ATL3: variants seen among roughly 807,000 people sequenced by gnomAD.
The protein encoded by ATL3 is atlastin GTPase 3.
Under a neutral mutation model 69.5 loss-of-function variants are expected in ATL3, and 49 were observed. The ratio of observed to expected loss-of-function variants is 0.71; its 90% CI spans 0.56 to 0.89. The LOEUF is 0.89. ATL3 is among the 40% of genes least tolerant of loss of function. The pLI is 0.00. For synonymous variants in ATL3, 214 were observed against 224.1 expected (o/e 0.95, Z 0.40); for missense variants, 606 against 645.7 (o/e 0.94, Z 0.67).
At chr11:63,632,789 A>G in intron 11 of ATL3, 1 of 794,676 alleles carries the variant, frequency 1.3e-6, no homozygotes, top group South Asian at 1.6e-5. Context: ...TCCCATTGAA[A>G]CTATGTACTT....
Position 63,656,437 on chromosome 11 carries a change from G to T in ATL3, c.405+2324C>A, listed in dbSNP as rs533378172. Among the ~76,000 whole-genome samples the T allele has an allele frequency of 2.0e-5, 3 of 151,968 alleles. No homozygotes were observed. In the South Asian group the frequency reaches 6.2e-4, roughly 32 times the overall value. ...AAGAATAACAGTGTATTTCTTGTCA[G>T]AAACAATGTCAGCAGACTGGGCACA... On this transcript the variant is annotated intron_variant, in intron 3 of 12. Coordinates refer to ENST00000398868, the MANE Select transcript of ATL3 (RefSeq NM_015459.5).
chr11:63,652,475 A>C lies in ATL3; in HGVS notation c.506T>G (p.Val169Gly), dbSNP rs990752530. 2 of 1,571,060 alleles carry C rather than the reference A, an allele frequency of 1.3e-6. No individual in the cohort carries two copies. Among genetic ancestry groups the C allele is most frequent in the African/African-American group, 2.7e-5 (2 of 73,798 alleles). Residue 169 changes from valine to glycine, a missense_variant, in exon 4 of 13, where the codon GTT (valine) becomes GGT (glycine). Transcript: ENST00000398868. ...TCTGAGTCAAGTGGTTTTTACCTGA[A>C]CAGAACTAGTCATAGTGCTTAGAGC... The part of the protein sequence containing the change: ...IFALSTMTSS[V>G]QIYNLSQNIQ...
rs979077596 is a variant in ATL3 at position 63,624,255 on chromosome 11, A to G, written c.*5064T>C. 4.6e-5 allele frequency: 7 copies of G among 152,354 alleles called. No individual in the cohort carries two copies. Among genetic ancestry groups the G allele is most frequent in the Middle Eastern group, 3.4e-3 (1 of 294 alleles). 9.4% of individuals were successfully genotyped at this position (152,354 alleles called of 1,614,324 possible). On this transcript the variant is annotated 3_prime_UTR_variant, in exon 13 of 13. Coordinates refer to ENST00000398868, the MANE Select transcript of ATL3 (RefSeq NM_015459.5). The stretch of plus-strand genomic sequence containing the variant: ...GTCTAGCAGACAGTACTTTTAACAA[A>G]TCATTTTTTAAAATAAAAAAACCTG...
chr11:63,671,755 C>A, upstream of ATL3: 1 of 1,200,892 alleles, frequency 8.3e-7, no homozygotes, highest in Non-Finnish European at 1.1e-6. Context: ...CGTGGTTCTC[C>A]GACGACTGAA....
In ATL3 at chr11:63,628,287, T is replaced by C. The variant is rs1939184797; in HGVS notation, c.*1032A>G. ...CCACTCTGGCTTTTCAAGGCACGTT[T>C]GCCTCTTTTTCTAGAAAGAAGCTAT... On this transcript the variant is annotated 3_prime_UTR_variant, in exon 13 of 13. Coordinates refer to ENST00000398868, the MANE Select transcript of ATL3 (RefSeq NM_015459.5). 6.6e-6 allele frequency: 1 copy of C among 151,590 alleles called. No homozygotes were observed. The highest frequency in any genetic ancestry group is 6.6e-5 in the Admixed American group (1 of 15,206). The allele number at this position is 151,590 out of a possible 1,614,324, so 9.4% of individuals were successfully genotyped here. A position where few individuals can be genotyped will look rare whatever the true frequency, so the allele number is the denominator to read the frequency against.
chr11:63,656,141 G>A (rs188107727), intron 3 of ATL3, among the ~76,000 whole-genome samples: 1,952 of 151,116 alleles, frequency 0.013, 14 homozygotes, highest in Non-Finnish European at 0.02. Context: ...GGAGAATGGC[G>A]TGAACCCGGG....
chr11:63,662,212 C>CAAA (rs1228390912), intron 1 of ATL3, among the ~76,000 whole-genome samples: 46 of 84,748 alleles, frequency 5.4e-4, no homozygotes, highest in African/African-American at 1.7e-3. Context: ...GACTCTATCT[C>CAAA]AAAAAAAAAA....
At chr11:63,663,076 C>T (rs1005379395) in intron 1 of ATL3, among the ~76,000 whole-genome samples, 3 of 152,010 alleles carry the variant, frequency 2.0e-5, no homozygotes, top group Non-Finnish European at 2.9e-5. Flanking sequence ...TTGCTGCTCA[C>T]TTTTTACATT....
chr11:63,629,455 C>G (rs761650452), intron 12 of ATL3, 50 bp from the exon 13 acceptor site: 15 of 1,510,272 alleles, frequency 9.9e-6, no homozygotes, highest in Middle Eastern at 1.7e-4. Flanking sequence ...TACAACACAG[C>G]AACAAGAAAG....
chr11:63,657,242 G>T (rs1298580904), intron 3 of ATL3, among the ~76,000 whole-genome samples: 1 of 149,234 alleles, frequency 6.7e-6, no homozygotes, highest in Non-Finnish European at 1.5e-5. Flanking sequence ...AAACAGGTGT[G>T]AAGGCATGCT....
At chr11:63,638,403 C>T (rs940887782) in intron 8 of ATL3, among the ~76,000 whole-genome samples, 3 of 152,140 alleles carry the variant, frequency 2.0e-5, no homozygotes, top group South Asian at 2.1e-4. Context: ...GAAAAGTATT[C>T]TCAAAAAGCA....
intron 10 of ATL3, among the ~76,000 whole-genome samples, chr11:63,635,016 G>T (rs375044462): frequency 1.3e-5 from 2 of 152,004 alleles, no homozygotes; most frequent in African/African-American, 4.8e-5. Flanking sequence ...ACAAAAATTA[G>T]CCAGGCATGG....
At chr11:63,651,875 G>A in intron 5 of ATL3, 61 bp downstream of exon 5, 1 of 1,537,804 alleles carries the variant, frequency 6.5e-7, no homozygotes, top group Non-Finnish European at 8.7e-7. Context: ...GTTGTAAAAT[G>A]TTCCTTAATC....
chr11:63,629,164 G>T lies in ATL3; in HGVS notation c.*155C>A, dbSNP rs1939219393. ...GTGTGTTTAATAATTTGAAACCACA[G>T]GAGAGGTCTGCTCATTTATTACAGG... On this transcript the variant is annotated 3_prime_UTR_variant, in exon 13 of 13. Coordinates refer to ENST00000398868, the MANE Select transcript of ATL3 (RefSeq NM_015459.5). 2 of 622,036 alleles carry T rather than the reference G, an allele frequency of 3.2e-6. No individual in the cohort carries two copies. The highest frequency in any genetic ancestry group is 2.9e-5 in the Admixed American group (1 of 34,676). The allele number at this position is 622,036 out of a possible 1,614,324, so 38.5% of individuals were successfully genotyped here.
intron 12 of ATL3, 56 bp downstream of exon 12, chr11:63,630,984 G>A (rs192770663): frequency 1.3e-6 from 2 of 1,502,482 alleles, no homozygotes; most frequent in Admixed American, 4.3e-5. Context: ...TTTTACAACA[G>A]AAGCACAAAT....
intron 11 of ATL3, 113 bp from the exon 12 acceptor site, chr11:63,631,584 T>A: frequency 1.0e-6 from 1 of 966,274 alleles, no homozygotes. Context: ...AACAATGTAT[T>A]AATAAGTTAA....
chr11:63,630,895 ACAGTCTAT>A, intron 12 of ATL3, 137 bp downstream of exon 12: 1 of 661,806 alleles, frequency 1.5e-6, no homozygotes. Context: ...AATAAAACAT[ACAGTCTAT>A]CAGAAAACAA....
At position 63,635,581 on chromosome 11, in the gene ATL3, T is replaced by C; in HGVS notation, c.988A>G (p.Lys330Glu). 1 of 1,605,938 alleles carries C rather than the reference T, an allele frequency of 6.2e-7. No individual in the cohort carries two copies. The highest frequency in any genetic ancestry group is 8.5e-7 in the Non-Finnish European group (1 of 1,172,908). The change falls in exon 10 of 13, where the codon AAA (lysine) becomes GAA (glutamate). Residue 330 changes from lysine to glutamate, a missense_variant. Coordinates refer to ENST00000398868, the MANE Select transcript of ATL3 (RefSeq NM_015459.5). ...GLLEYFKAYI[K>E]IYQGEDLPHP... is the part of the protein sequence containing the mutation. The stretch of plus-strand genomic sequence containing the variant: ...GGCAGATCTTCTCCTTGATAAATTT[T>C]AATATATGCCTTAAAATATAAACAT...
chr11:63,666,133 C>G (rs1200704421), intron 1 of ATL3, among the ~76,000 whole-genome samples: 1 of 152,052 alleles, frequency 6.6e-6, no homozygotes, highest in Non-Finnish European at 1.5e-5. Context: ...ACCTCTGCCT[C>G]CTGGGTTCAA....
Sources: allele counts gnomAD v4.1 joint callset (sites outside exome capture counted in the v4.1 genomes callset), GRCh38; gene constraint gnomAD v4.1.1; transcripts MANE v1.5; gene names NCBI Gene and HGNC (gene_info 2026-07-23, HGNC 2026-07-21).